The following MAEA variants were observed in gnomAD, a reference collection of about 807,000 sequenced individuals.
MAEA encodes the protein macrophage erythroblast attacher, E3 ubiquitin ligase.
MAEA carries 22 observed loss-of-function variants against 46.2 expected under a neutral mutation model. The observed-to-expected ratio is 0.48, with a 90% CI of 0.34 to 0.68. The LOEUF is 0.68. Among genes scored for constraint, MAEA ranks in the 30% least tolerant of loss-of-function variants. MAEA has a pLI of 0.01. For synonymous variants in MAEA, 246 were observed against 222.6 expected (o/e 1.11, Z -0.94); for missense variants, 393 against 558.1 (o/e 0.70, Z 2.98).
chr4:1,328,052 C>T (rs1463827036), intron 5 of MAEA, among the ~76,000 whole-genome samples: 2 of 152,262 alleles, frequency 1.3e-5, no homozygotes, highest in African/African-American at 2.4e-5. Flanking sequence ...TGCCGCCAGC[C>T]TCAGTAGATG....
intron 1 of MAEA, among the ~76,000 whole-genome samples, chr4:1,304,765 A>C (rs770132594): frequency 7.9e-5 from 12 of 152,306 alleles, no homozygotes; most frequent in Non-Finnish European, 1.6e-4. Flanking sequence ...AAGTGTTTAA[A>C]TGAACATATT....
chr4:1,309,837 C>T, intron 1 of MAEA: 2 of 1,345,612 alleles, frequency 1.5e-6, no homozygotes, highest in Non-Finnish European at 1.9e-6. Context: ...CTGCCCGGAG[C>T]TCTGCCCTGT....
chr4:1,307,774 G>T (rs1474275530), intron 1 of MAEA, among the ~76,000 whole-genome samples: 1 of 152,196 alleles, frequency 6.6e-6, no homozygotes, highest in African/African-American at 2.4e-5. Flanking sequence ...CAAAGGGCAG[G>T]ATCCCAGCTC....
intron 1 of MAEA, among the ~76,000 whole-genome samples, chr4:1,301,691 G>A (rs539460009): frequency 6.6e-6 from 1 of 151,540 alleles, no homozygotes; most frequent in Non-Finnish European, 1.5e-5. Flanking sequence ...GCAGAGTGAC[G>A]CCCTATATGA....
At chr4:1,323,480 C>G (rs1159767727) in intron 4 of MAEA, 1 of 702,546 alleles carries the variant, frequency 1.4e-6, no homozygotes, top group South Asian at 1.5e-5. Flanking sequence ...CCAGGAGTGA[C>G]ACACTGCCAC....
intron 5 of MAEA, chr4:1,330,960 G>A (rs917159199): frequency 2.6e-5 from 4 of 152,188 alleles, no homozygotes; most frequent in Non-Finnish European, 5.9e-5. Context: ...GAGATAAGAC[G>A]CGTAAACCAG....
chr4:1,322,155 C>T (rs1490395466), intron 3 of MAEA, among the ~76,000 whole-genome samples: 7 of 152,310 alleles, frequency 4.6e-5, no homozygotes, highest in East Asian at 1.9e-4. Flanking sequence ...GCTATGGCTG[C>T]TGTCTACGTG....
rs1024667890 is a variant in MAEA at position 1,328,711 on chromosome 4, C to T, written c.656+1008C>T. The T allele has an allele frequency of 5.5e-6, 7 of 1,265,772 alleles. No homozygotes were observed. The African/African-American group carries it at 9.2e-5, about 17-fold the overall frequency. The allele number at this position is 1,265,772 out of a possible 1,614,324, so 78.4% of individuals were successfully genotyped here. A position where few individuals can be genotyped will look rare whatever the true frequency, so the allele number is the denominator to read the frequency against. On this transcript the variant is annotated intron_variant, in intron 5 of 8. Transcript: ENST00000303400. ...CTCACGATGAGGTGCTGAGGGTGGT[C>T]CCCAAGACGCACGGCAGAACCGCGG... is the stretch of plus-strand genomic sequence containing the variant.
chr4:1,327,571 G>T, intron 4 of MAEA, 56 bp from the exon 5 acceptor site: 1 of 1,303,462 alleles, frequency 7.7e-7, no homozygotes, highest in Non-Finnish European at 1.1e-6. Flanking sequence ...CGGCACCCGG[G>T]CACCTGGGCT....
At chr4:1,307,001 C>T (rs918773933) in intron 1 of MAEA, among the ~76,000 whole-genome samples, 8 of 152,132 alleles carry the variant, frequency 5.3e-5, no homozygotes, top group Non-Finnish European at 1.0e-4. Flanking sequence ...TTTCTGGGTT[C>T]CCCACCCTGT....
At chr4:1,313,127 C>G (rs1159828417) in intron 2 of MAEA, among the ~76,000 whole-genome samples, 5 of 152,232 alleles carry the variant, frequency 3.3e-5, no homozygotes, top group East Asian at 1.9e-4. Flanking sequence ...AGCCTACGTT[C>G]AGAGGACTGG....
intron 1 of MAEA, among the ~76,000 whole-genome samples, chr4:1,305,624 G>C (rs1305087715): frequency 6.6e-6 from 1 of 152,170 alleles, no homozygotes; most frequent in African/African-American, 2.4e-5. Context: ...AGGTATCCCG[G>C]CTCCACCAGC....
rs888901556 is a variant in MAEA at position 1,329,206 on chromosome 4, C to T, written c.656+1503C>T. The T allele has an allele frequency of 5.1e-6, 5 of 985,556 alleles. No homozygotes were observed. The African/African-American group carries it at 8.7e-5, about 17-fold the overall frequency. The allele number at this position is 985,556 out of a possible 1,614,324, so 61.1% of individuals were successfully genotyped here. A position where few individuals can be genotyped will look rare whatever the true frequency, so the allele number is the denominator to read the frequency against. On this transcript the variant is annotated intron_variant, in intron 5 of 8. Transcript: ENST00000303400. The stretch of plus-strand genomic sequence containing the variant: ...ATAGGGTCTGTTGACCTGTTACCCC[C>T]ACTCCGCATAGGGTCTATTTGCCTG...
chr4:1,316,644 G>T (rs1402928606), intron 3 of MAEA, among the ~76,000 whole-genome samples: 2 of 152,058 alleles, frequency 1.3e-5, no homozygotes, highest in African/African-American at 2.4e-5. Context: ...CTAACCAGGG[G>T]TCTTCTCTCT....
At chr4:1,305,943 T>A (rs564388739) in intron 1 of MAEA, among the ~76,000 whole-genome samples, 2 of 152,046 alleles carry the variant, frequency 1.3e-5, no homozygotes, top group African/African-American at 4.8e-5. Flanking sequence ...GGGCGGGAGA[T>A]CCAAGAAGAG....
At chr4:1,304,175 T>C (rs1577148101) in intron 1 of MAEA, among the ~76,000 whole-genome samples, 1 of 152,242 alleles carries the variant, frequency 6.6e-6, no homozygotes, top group Non-Finnish European at 1.5e-5. Context: ...TGTTGAGCAC[T>C]TGAGATGTTG....
intron 4 of MAEA, among the ~76,000 whole-genome samples, chr4:1,326,490 C>T (rs1254830458): frequency 6.6e-6 from 1 of 152,212 alleles, no homozygotes; most frequent in Non-Finnish European, 1.5e-5. Context: ...CTGCCCCCAC[C>T]CCAGCCACAA....
intron 5 of MAEA, chr4:1,329,921 T>A (rs1739322162): frequency 3.7e-5 from 36 of 985,514 alleles, no homozygotes; most frequent in Non-Finnish European, 4.3e-5. Flanking sequence ...GAACTCACGG[T>A]CCACATGGCG....
intron 1 of MAEA, among the ~76,000 whole-genome samples, chr4:1,307,536 A>T (rs1735949086): frequency 6.6e-6 from 1 of 152,242 alleles, no homozygotes; most frequent in Admixed American, 6.5e-5. Flanking sequence ...GTATTGTGTT[A>T]CTTGTCCCCA....
Sources: allele counts gnomAD v4.1 joint callset (sites outside exome capture counted in the v4.1 genomes callset), GRCh38; gene constraint gnomAD v4.1.1; transcripts MANE v1.5; gene names NCBI Gene and HGNC (gene_info 2026-07-23, HGNC 2026-07-21).